The following HERC1 variants were observed in gnomAD, a reference collection of about 807,000 sequenced individuals.
HERC1 encodes probable E3 ubiquitin-protein ligase HERC1.
In HERC1, 160 loss-of-function variants were observed where a neutral mutation model predicts 554.3. The ratio of observed to expected loss-of-function variants is 0.29; its 90% CI spans 0.25 to 0.33. The LOEUF is 0.33. Ranked by LOEUF, HERC1 falls within the 10% of genes least tolerant of loss-of-function variation. The pLI is 1.00. For synonymous variants in HERC1, 2,175 were observed against 2,131.7 expected (o/e 1.02, Z -0.56); for missense variants, 4,919 against 5,918.5 (o/e 0.83, Z 5.54).
intron 75 of HERC1, 26 bp downstream of exon 75, chr15:63,616,404 A>G (rs553883477): frequency 2.5e-6 from 4 of 1,603,276 alleles, no homozygotes; most frequent in Non-Finnish European, 3.4e-6. Flanking sequence ...CAACACCAGT[A>G]GAAACATAGA....
intron 38 of HERC1, 83 bp from the exon 39 acceptor site, chr15:63,672,777 T>C: frequency 1.1e-6 from 1 of 883,634 alleles, no homozygotes; most frequent in Non-Finnish European, 1.7e-6. Context: ...CTTCTACCTG[T>C]TTAATTTAAA....
At chr15:63,816,093 A>G (rs560684115) in intron 1 of HERC1, among the ~76,000 whole-genome samples, 1,634 of 48,630 alleles carry the variant, frequency 0.034, 91 homozygotes, top group Admixed American at 0.19. Context: ...CAGCCAAACC[A>G]TATACCTAAC....
In HERC1 at chr15:63,722,142, A is replaced by T. The variant is rs934242364; in HGVS notation, c.3742+1040T>A. 4.6e-5 allele frequency among the ~76,000 whole-genome samples: 7 copies of T among 152,254 alleles called. No individual in the cohort carries two copies. In the East Asian group the frequency reaches 1.3e-3, roughly 29 times the overall value. On this transcript the variant is annotated intron_variant, in intron 19 of 77. Transcript: ENST00000443617. ...CAGCCTCCCAAAGTGCTGAGATTAC[A>T]GGCGTGAGCCACTGTGCCCAGCCTA...
At position 63,677,886 on chromosome 15, in the gene HERC1, C is replaced by T. The variant is rs372895414; in HGVS notation, c.7029G>A (p.Thr2343=). The T allele has an allele frequency of 1.7e-5, 28 of 1,613,908 alleles. No homozygotes were observed. The African/African-American group carries it at 2.9e-4, about 17-fold the overall frequency. The part of the protein sequence containing the change: ...TLLGVVKEGS[T]SAKVQWDEAE... ...CTTCATCCCATTGGACCTTGGCAGA[C>T]GTGCTGCCCTCTTTGACCACTCCCA... Residue 2343 remains threonine (T), a synonymous_variant, in exon 37 of 78, where the codon ACG becomes ACA. Coordinates refer to ENST00000443617, the MANE Select transcript of HERC1 (RefSeq NM_003922.4). This position sits in a 1 kb window ranked among gnomAD's most constrained non-coding sequence, Gnocchi z 4.4.
chr15:63,736,027 G>A (rs1447378075), intron 12 of HERC1, among the ~76,000 whole-genome samples: 1 of 152,148 alleles, frequency 6.6e-6, no homozygotes, highest in Non-Finnish European at 1.5e-5. Context: ...ATGGGCAGGG[G>A]TTGGTGGGAT....
At chr15:63,631,184 ACTTGT>A (rs1205252268) in intron 68 of HERC1, among the ~76,000 whole-genome samples, 1 of 152,148 alleles carries the variant, frequency 6.6e-6, no homozygotes, top group Non-Finnish European at 1.5e-5. Flanking sequence ...AGATCATTCA[ACTTGT>A]CTTGTCCTCA....
chr15:63,707,634 A>T (rs546887305), intron 24 of HERC1, among the ~76,000 whole-genome samples: 22 of 152,312 alleles, frequency 1.4e-4, no homozygotes. Flanking sequence ...AAGGCCCGGA[A>T]GTGACAAAAC....
At position 63,678,214 on chromosome 15, in the gene HERC1, T is replaced by C. The variant is rs765252679; in HGVS notation, c.6701A>G (p.Asn2234Ser). Residue 2234 changes from asparagine (N) to serine (S), a missense_variant, in exon 37 of 78, where the codon AAC (asparagine) becomes AGC (serine). Transcript: ENST00000443617. ...HRTDRWTYCI[N>S]KKMMERLHKI... ...GTGAAGCCTTTCCATCATTTTTTTG[T>C]TAATGCAGTAAGTCCAACGGTCTGT... The C allele has an allele frequency of 9.9e-6, 16 of 1,613,972 alleles. No individual in the cohort carries two copies. Among genetic ancestry groups the C allele is most frequent in the Non-Finnish European group, 1.4e-5 (16 of 1,179,864 alleles).
At chr15:63,669,464 A>G in intron 40 of HERC1, 74 bp downstream of exon 40, 1 of 1,401,328 alleles carries the variant, frequency 7.1e-7, no homozygotes. Context: ...GACAAAACAC[A>G]ATGCCCACAT....
intron 74 of HERC1, among the ~76,000 whole-genome samples, chr15:63,619,425 A>G (rs2067969049): frequency 2.0e-5 from 3 of 152,102 alleles, no homozygotes; most frequent in Admixed American, 6.6e-5. Context: ...TTTTTGCATC[A>G]ATGTTCATCA....
At chr15:63,716,909 G>C (rs574377887) in intron 21 of HERC1, among the ~76,000 whole-genome samples, 65 of 152,208 alleles carry the variant, frequency 4.3e-4, no homozygotes, top group South Asian at 1.9e-3. Context: ...ATTTAAAACA[G>C]TATTGGTTTT....
At chr15:63,763,550 C>T (rs576612417) in intron 3 of HERC1, among the ~76,000 whole-genome samples, 38 of 150,798 alleles carry the variant, frequency 2.5e-4, no homozygotes, top group African/African-American at 8.3e-4. Context: ...AGGAGGGAAC[C>T]TAGAGATTAA....
chr15:63,817,098 C>T (rs1048120493), intron 1 of HERC1, among the ~76,000 whole-genome samples: 1 of 152,030 alleles, frequency 6.6e-6, no homozygotes, highest in Non-Finnish European at 1.5e-5. Context: ...AAACAACCTG[C>T]TTTCTTTTAA....
At chr15:63,770,315 CTCT>C (rs1201148445) in intron 2 of HERC1, among the ~76,000 whole-genome samples, 1 of 152,196 alleles carries the variant, frequency 6.6e-6, no homozygotes, top group Admixed American at 6.5e-5. Flanking sequence ...GCCTCCCGCC[CTCT>C]TCTTTCATCC....
At chr15:63,761,769 T>C (rs1420918847) in intron 3 of HERC1, among the ~76,000 whole-genome samples, 1 of 152,224 alleles carries the variant, frequency 6.6e-6, no homozygotes, top group African/African-American at 2.4e-5. Flanking sequence ...AACATGTAAT[T>C]AAAACAAATG....
At chr15:63,824,533 C>CAAA (rs34774319) in intron 1 of HERC1, among the ~76,000 whole-genome samples, 4 of 131,968 alleles carry the variant, frequency 3.0e-5, no homozygotes, top group Non-Finnish European at 6.3e-5. Flanking sequence ...GACTCCATCT[C>CAAA]AAAAAAAAAA....
At position 63,666,346 on chromosome 15, in the gene HERC1, C is replaced by T. The variant is rs1264944404; in HGVS notation, c.8323+10G>A. ...ATCTGTATACACTGATATATAAAAA[C>T]TTATCCTACCTGTAGCTTCCATGGC... On this transcript the variant is annotated intron_variant, in intron 41 of 77. Coordinates refer to ENST00000443617, the MANE Select transcript of HERC1 (RefSeq NM_003922.4). 1.3e-6 allele frequency: 2 copies of T among 1,591,416 alleles called. No homozygotes were observed. Among genetic ancestry groups the T allele is most frequent in the Non-Finnish European group, 1.7e-6 (2 of 1,159,970 alleles).
In HERC1 at chr15:63,747,754, T is replaced by C; in HGVS notation, c.2324A>G (p.Glu775Gly). The C allele has an allele frequency of 6.4e-7, 1 of 1,550,488 alleles. No individual in the cohort carries two copies. The highest frequency in any genetic ancestry group is 1.2e-5 in the South Asian group (1 of 84,024). Residue 775 changes from glutamate (E) to glycine (G), a missense_variant, in exon 11 of 78, where the codon GAG (glutamate) becomes GGG (glycine). Around this residue, in one of 11 missense-constraint regions of HERC1, gnomAD observed 744 missense variants for 1,090.0 expected, o/e 0.68. Transcript: ENST00000443617. ...TGAAGGGAAAGGGAGTGGGGGAATCTCACTGTTTATTTTATCACAGTATCT... is the reference window on the plus strand; with the variant it reads ...TGAAGGGAAAGGGAGTGGGGGAATCCCACTGTTTATTTTATCACAGTATCT... ...LERYCDKINS[E>G]IPPLPFPSSR...
chr15:63,608,671 T>C lies in HERC1; in HGVS notation c.*410A>G, dbSNP rs1298578337. 1 of 156,450 alleles carries C rather than the reference T, an allele frequency of 6.4e-6. No individual in the cohort carries two copies. 9.7% of individuals were successfully genotyped at this position (156,450 alleles called of 1,614,324 possible). A position where few individuals can be genotyped will look rare whatever the true frequency, so the allele number is the denominator to read the frequency against. On this transcript the variant is annotated 3_prime_UTR_variant, in exon 78 of 78. Transcript: ENST00000443617. ...TGCATAAGGAACCCTGAACAGGCAA[T>C]TCAAATTAAAACAAAATAAATATAT...
Sources: gnomAD v4.1 joint callset for allele counts (sites outside exome capture counted in the v4.1 genomes callset) on GRCh38, gnomAD v4.1.1 for gene constraint, gnomAD v4.1.1 regional missense constraint, Gnocchi (gnomAD v3.1) non-coding constraint, MANE v1.5 for transcripts, NCBI Gene and HGNC (gene_info 2026-07-23, HGNC 2026-07-21) for gene names.